Variants in GBP2 observed in about 807,000 individuals in gnomAD.
GBP2 encodes guanylate-binding protein 2.
Under a neutral mutation model 60.8 loss-of-function variants are expected in GBP2, and 54 were observed. The ratio of observed to expected loss-of-function variants is 0.89; its 90% confidence interval spans 0.71 to 1.11. The LOEUF (loss-of-function observed/expected upper bound fraction) is 1.11. Ranked by LOEUF, GBP2 falls within the 50% of genes most tolerant of loss-of-function variation. The pLI, the probability that GBP2 is intolerant of heterozygous loss-of-function variation, is 0.00. For synonymous variants in GBP2, 243 were observed against 256.5 expected, an observed-to-expected ratio of 0.95 and a Z score of 0.50; for missense variants, 665 against 703.3, an observed-to-expected ratio of 0.95 and a Z score of 0.62.
At chr1:89,121,060 G>T in intron 3 of GBP2, 83 bp downstream of exon 3, 3 of 1,036,840 alleles carry the variant, frequency 2.9e-6, no homozygotes, top group South Asian at 1.4e-5. Context: ...GAGTGATTGT[G>T]CAAAGATGGT....
At chr1:89,116,237 TC>T (rs1274124879) in intron 6 of GBP2, among the ~76,000 whole-genome samples, 1 of 152,028 alleles carries the variant, frequency 6.6e-6, no homozygotes, top group Admixed American at 6.5e-5. Flanking sequence ...GGTCTCAAAC[TC>T]CTGAGCTCAA....
chr1:89,121,733 G>A lies in GBP2; in HGVS notation c.190+44C>T, dbSNP rs115873770. The A allele has an allele frequency of 1.5e-4, 239 of 1,588,078 alleles. No individual in the cohort carries two copies. The African/African-American group carries it at 3.0e-3, about 20-fold the overall frequency. On this transcript the variant is annotated intron_variant, in intron 2 of 10. Transcript: ENST00000370466. ...CATCCCTAAGCTGGATGTTCGCCGT[G>A]TGTACGGACAGAAGGGGCTTAGAGC...
In GBP2 at chr1:89,109,779, C is replaced by T. The variant is rs369885201; in HGVS notation, c.1557G>A (p.Glu519=). Residue 519 remains glutamate, a synonymous_variant, in exon 10 of 11, where the codon GAG becomes GAA. Transcript: ENST00000370466. ...KKNEEMMEQK[E]KSYQEHVKQL... ...GTTTCACATGTTCCTGATAACTCTT[C>T]TCTTTCTGTTCCATCATCTCCTCAT... 53 of 1,613,920 alleles carry T rather than the reference C, an allele frequency of 3.3e-5. No homozygotes were observed. The highest frequency in any genetic ancestry group is 4.2e-5 in the Non-Finnish European group (49 of 1,179,920).
At position 89,111,774 on chromosome 1, in the gene GBP2, T is replaced by A. The variant is rs183260221; in HGVS notation, c.1362+698A>T. On this transcript the variant is annotated intron_variant, in intron 8 of 10. Coordinates refer to ENST00000370466, the MANE Select transcript of GBP2 (RefSeq NM_004120.5). ...TGACTATAGTCAATAATAATTTAAT[T>A]GTACACTTTAAGATAACTAAAAAAG... 1.1e-4 allele frequency among the ~76,000 whole-genome samples: 16 copies of A among 152,268 alleles called. No homozygotes were observed. In the East Asian group the frequency reaches 3.1e-3, roughly 29 times the overall value.
rs1293402339 is a variant in GBP2 at position 89,107,312 on chromosome 1, A to G, written c.*863T>C. On this transcript the variant is annotated 3_prime_UTR_variant, in exon 11 of 11. Transcript: ENST00000370466. Reference sequence around the variant, plus strand: ...GTCAAGTTTTAGGCTTTATAGGATTATAGTCCTGGTCCTCAGAAGAATGGA... The same window carrying G: ...GTCAAGTTTTAGGCTTTATAGGATTGTAGTCCTGGTCCTCAGAAGAATGGA... 2.6e-5 allele frequency among the ~76,000 whole-genome samples: 4 copies of G among 152,106 alleles called. No individual in the cohort carries two copies. The highest frequency in any genetic ancestry group is 4.4e-5 in the Non-Finnish European group (3 of 68,038).
At chr1:89,108,879 TA>T (rs891507473) in intron 10 of GBP2, among the ~76,000 whole-genome samples, 11 of 147,304 alleles carry the variant, frequency 7.5e-5, no homozygotes, top group African/African-American at 2.8e-4. Flanking sequence ...CTTAAGTGGG[TA>T]GATGGTTAGG....
chr1:89,114,204 C>G lies in GBP2; in HGVS notation c.961G>C (p.Glu321Gln). 1.2e-6 allele frequency: 2 copies of G among 1,614,242 alleles called. No individual in the cohort carries two copies. The highest frequency in any genetic ancestry group is 1.7e-6 in the Non-Finnish European group (2 of 1,180,050). ...ENAVLALAQI[E>Q]NSAAVEKAIA... ...GCCTTTTCCACTGCGGCTGAGTTCT[C>G]TATCTGGGCCAAGGCCAGGACTGCG... Residue 321 changes from glutamate (E) to glutamine (Q), a missense_variant, in exon 7 of 11, where the codon GAG becomes CAG. By Grantham distance (29) the Glu-to-Gln change is conservative (BLOSUM62 2). Transcript: ENST00000370466.
At chr1:89,120,383 C>T (rs1681375035) in intron 3 of GBP2, 95 bp from the exon 4 acceptor site, 2 of 999,598 alleles carry the variant, frequency 2.0e-6, no homozygotes, top group Non-Finnish European at 3.2e-6. Flanking sequence ...AACTCTGTCT[C>T]TCATTAGTTC....
chr1:89,117,781 G>A lies in GBP2; in HGVS notation c.429-8C>T, dbSNP rs201386199. 1.5e-4 allele frequency: 234 copies of A among 1,583,268 alleles called. 3 individuals are homozygous for A. In the South Asian group the frequency reaches 2.4e-3, roughly 16 times the overall value. Reference sequence around the variant, plus strand: ...GTCAGCTCTGTCACATAGCTGAGATGCTAAATTAAGAAAACTACAGAAAAT... The same window carrying A: ...GTCAGCTCTGTCACATAGCTGAGATACTAAATTAAGAAAACTACAGAAAAT... On this transcript the variant is annotated splice_polypyrimidine_tract_variant and splice_region_variant and intron_variant, in intron 4 of 10. Coordinates refer to ENST00000370466, the MANE Select transcript of GBP2 (RefSeq NM_004120.5).
intron 6 of GBP2, among the ~76,000 whole-genome samples, chr1:89,115,058 A>C (rs1681241810): frequency 1.3e-5 from 2 of 152,218 alleles, no homozygotes; most frequent in African/African-American, 4.8e-5. Flanking sequence ...ATATTAAATA[A>C]TCTAAATATC....
chr1:89,109,438 G>C (rs766436284), intron 10 of GBP2, among the ~76,000 whole-genome samples: 1 of 152,142 alleles, frequency 6.6e-6, no homozygotes, highest in Non-Finnish European at 1.5e-5. Flanking sequence ...TAAAATACTT[G>C]TGCAGTGCCT....
chr1:89,122,132 C>A, intron 1 of GBP2, 149 bp from the exon 2 acceptor site: 1 of 494,904 alleles, frequency 2.0e-6, no homozygotes, highest in Admixed American at 3.9e-5. Flanking sequence ...TTAAGGCTGT[C>A]TTACAAATTG....
intron 1 of GBP2, 90 bp from the exon 2 acceptor site, chr1:89,122,073 C>A: frequency 1.1e-6 from 1 of 903,610 alleles, no homozygotes; most frequent in Admixed American, 2.9e-5. Flanking sequence ...TTTTTGTTTT[C>A]TATGCTTGAA....
chr1:89,111,453 T>C (rs985550419), intron 8 of GBP2, among the ~76,000 whole-genome samples: 6 of 151,980 alleles, frequency 3.9e-5, no homozygotes, highest in African/African-American at 1.5e-4. Context: ...TAAACAAAAA[T>C]AAGATCTGTT....
At chr1:89,108,383 A>T in intron 10 of GBP2, 92 bp from the exon 11 acceptor site, 1 of 712,092 alleles carries the variant, frequency 1.4e-6, no homozygotes, top group Non-Finnish European at 2.4e-6. Context: ...TCCTTCAAGA[A>T]TTTTTGACTA....
At chr1:89,111,527 A>G (rs1681164970) in intron 8 of GBP2, among the ~76,000 whole-genome samples, 1 of 152,058 alleles carries the variant, frequency 6.6e-6, no homozygotes, top group Non-Finnish European at 1.5e-5. Flanking sequence ...ACAGAAAGAA[A>G]ACCATTGCAT....
intron 4 of GBP2, 38 bp from the exon 5 acceptor site, chr1:89,117,811 CT>C (rs1370248363): frequency 6.7e-7 from 1 of 1,484,898 alleles, no homozygotes; most frequent in Admixed American, 2.1e-5. Flanking sequence ...GAAAATGCCA[CT>C]CTTTATACTA....
At chr1:89,113,915 A>T in intron 7 of GBP2, 101 bp downstream of exon 7, 1 of 1,304,554 alleles carries the variant, frequency 7.7e-7, no homozygotes, top group Non-Finnish European at 1.1e-6. Flanking sequence ...TCAAATATGT[A>T]CACATAACTG....
chr1:89,113,233 A>G (rs1452828015), intron 7 of GBP2, among the ~76,000 whole-genome samples: 1 of 152,250 alleles, frequency 6.6e-6, no homozygotes, highest in African/African-American at 2.4e-5. Flanking sequence ...CTTTAACATA[A>G]GAATATTTTT....
Sources: gnomAD v4.1 joint callset for allele counts (sites outside exome capture counted in the v4.1 genomes callset) on GRCh38, gnomAD v4.1.1 for gene constraint, MANE v1.5 for transcripts, NCBI Gene and HGNC (gene_info 2026-07-23, HGNC 2026-07-21) for gene names.